Variants in LRRC7 observed in about 807,000 individuals in gnomAD.
LRRC7 encodes the protein leucine-rich repeat-containing protein 7.
In LRRC7, 23 loss-of-function variants were observed where a neutral mutation model predicts 175.7. That is an observed-to-expected ratio of 0.13 (90% CI 0.09 to 0.19). The LOEUF (loss-of-function observed/expected upper bound fraction) is 0.19, where lower values mean the gene tolerates loss of function less well. Ranked by LOEUF, LRRC7 falls within the 10% of genes least tolerant of loss-of-function variation. The pLI is 1.00. For synonymous variants in LRRC7, 685 were observed against 680.9 expected, an observed-to-expected ratio of 1.01 and a Z score of -0.09; for missense variants, 1,354 against 1,904.7, an observed-to-expected ratio of 0.71 and a Z score of 5.38.
At chr1:69,601,345 T>C (rs1647063148) in intron 1 of LRRC7, among the ~76,000 whole-genome samples, 1 of 152,202 alleles carries the variant, frequency 6.6e-6, no homozygotes, top group Admixed American at 6.5e-5. Flanking sequence ...CTCTAATCCA[T>C]TACTGCGTGG....
chr1:69,978,969 A>G (rs1653125848), intron 8 of LRRC7, among the ~76,000 whole-genome samples: 1 of 149,482 alleles, frequency 6.7e-6, no homozygotes, highest in South Asian at 2.1e-4. Context: ...TCTGCCTTCC[A>G]GGCTTATATA....
Position 69,792,052 on chromosome 1 carries a change from A to C in LRRC7, c.313A>C (p.Asn105His). The change falls in exon 4 of 27, where the codon AAC becomes CAC. Residue 105 changes from asparagine (N) to histidine (H), a missense_variant. Transcript: ENST00000651989. ...QIEELPKQLF[N>H]CQALRKLSIP... The stretch of plus-strand genomic sequence containing the variant: ...TTATTTTCTATTACAGCAATTGTTC[A>C]ACTGTCAAGCTCTACGAAAACTAAG... 1 of 1,592,360 alleles carries C rather than the reference A, an allele frequency of 6.3e-7. No individual in the cohort carries two copies. Among genetic ancestry groups the C allele is most frequent in the Non-Finnish European group, 8.6e-7 (1 of 1,163,598 alleles).
intron 1 of LRRC7, among the ~76,000 whole-genome samples, chr1:69,578,848 C>T (rs1346734591): frequency 7.4e-5 from 11 of 148,276 alleles, no homozygotes; most frequent in Admixed American, 2.7e-4. Context: ...TGCTAAATGA[C>T]GAGTTAATGG....
intron 3 of LRRC7, among the ~76,000 whole-genome samples, chr1:69,763,056 ATGT>A (rs1298024796): frequency 6.6e-6 from 1 of 152,036 alleles, no homozygotes; most frequent in African/African-American, 2.4e-5. Context: ...CAGTACATAG[ATGT>A]ATTTGTGCAT....
intron 1 of LRRC7, among the ~76,000 whole-genome samples, chr1:69,636,519 T>C (rs1001176363): frequency 1.3e-5 from 2 of 151,968 alleles, no homozygotes; most frequent in African/African-American, 4.8e-5. Flanking sequence ...TCTGTAATCT[T>C]GTAATCATTT....
At chr1:70,010,696 G>A (rs909184228) in intron 11 of LRRC7, among the ~76,000 whole-genome samples, 5 of 152,134 alleles carry the variant, frequency 3.3e-5, no homozygotes, top group African/African-American at 4.8e-5. Flanking sequence ...AATATAATAG[G>A]AATAGTAAGA....
chr1:69,928,982 G>C (rs187296993), intron 7 of LRRC7, among the ~76,000 whole-genome samples: 3 of 152,150 alleles, frequency 2.0e-5, no homozygotes, highest in South Asian at 2.1e-4. Context: ...TTCTTATTTG[G>C]CTTCCAGGAC....
At chr1:69,622,932 G>C (rs1257692571) in intron 1 of LRRC7, among the ~76,000 whole-genome samples, 1 of 152,192 alleles carries the variant, frequency 6.6e-6, no homozygotes, top group African/African-American at 2.4e-5. Flanking sequence ...GATGGGCTCA[G>C]GTCCTTCTTA....
intron 2 of LRRC7, among the ~76,000 whole-genome samples, chr1:69,689,931 A>T (rs555243929): frequency 1.3e-5 from 2 of 152,342 alleles, no homozygotes; most frequent in East Asian, 3.9e-4. Context: ...AAAGGATTAC[A>T]TCAAATTAGA....
In LRRC7 at chr1:69,658,063, A is replaced by G. The variant is rs940716141; in HGVS notation, c.3-20318A>G. 5.3e-5 allele frequency among the ~76,000 whole-genome samples: 8 copies of G among 151,990 alleles called. No individual in the cohort carries two copies. The South Asian group carries it at 1.5e-3, about 28-fold the overall frequency. The stretch of plus-strand genomic sequence containing the variant: ...TCTTACTCAAGCCTAAAGTAACAAT[A>G]TGTATTCTTAGTAATATTATTCTGA... On this transcript the variant is annotated intron_variant, in intron 1 of 26. Transcript: ENST00000651989.
chr1:70,069,833 G>A (rs1449674692), intron 23 of LRRC7, among the ~76,000 whole-genome samples: 2 of 151,742 alleles, frequency 1.3e-5, no homozygotes, highest in Non-Finnish European at 2.9e-5. Flanking sequence ...AATTTATATT[G>A]TCCTGTCTAC....
At chr1:70,069,853 G>GT (rs1203953880) in intron 23 of LRRC7, among the ~76,000 whole-genome samples, 1 of 152,074 alleles carries the variant, frequency 6.6e-6, no homozygotes, top group Non-Finnish European at 1.5e-5. Context: ...CCAGGTCACT[G>GT]TTTCTTTCCT....
chr1:69,843,635 C>T, intron 7 of LRRC7, among the ~76,000 whole-genome samples: 1 of 152,158 alleles, frequency 6.6e-6, no homozygotes, highest in South Asian at 2.1e-4. Context: ...GTAGTACCAC[C>T]TTTGTGAATA....
intron 1 of LRRC7, among the ~76,000 whole-genome samples, chr1:69,580,381 G>A (rs551009960): frequency 6.4e-4 from 97 of 152,020 alleles, no homozygotes; most frequent in African/African-American, 2.3e-3. Context: ...TTATTTAAAA[G>A]ATAAAAACAT....
At chr1:69,908,438 G>A (rs1245373344) in intron 7 of LRRC7, among the ~76,000 whole-genome samples, 2 of 151,940 alleles carry the variant, frequency 1.3e-5, no homozygotes, top group Non-Finnish European at 2.9e-5. Context: ...CTTTGAATGT[G>A]TCCCAGAGAT....
At chr1:69,589,807 A>G (rs1409265520) in intron 1 of LRRC7, among the ~76,000 whole-genome samples, 1 of 152,164 alleles carries the variant, frequency 6.6e-6, no homozygotes, top group African/African-American at 2.4e-5. Flanking sequence ...CAGATACTAC[A>G]TCAACCACTC....
chr1:69,866,445 C>T (rs1385611315), intron 7 of LRRC7, among the ~76,000 whole-genome samples: 1 of 152,098 alleles, frequency 6.6e-6, no homozygotes, highest in Non-Finnish European at 1.5e-5. Context: ...TATCGTTTTA[C>T]CCTCCCAAAG....
At position 70,117,534 on chromosome 1, in the gene LRRC7, G is replaced by A. The variant is rs542085497; in HGVS notation, c.4621-4246G>A. Among the ~76,000 whole-genome samples the A allele has an allele frequency of 5.3e-5, 8 of 152,068 alleles. No individual in the cohort carries two copies. In the South Asian group the frequency reaches 1.7e-3, roughly 32 times the overall value. The stretch of plus-strand genomic sequence containing the variant: ...TTTTCATGTCTAAATCATGAAAAGA[G>A]ACAATTAAAAAACATTTTGTGGCAC... On this transcript the variant is annotated intron_variant, in intron 26 of 26. Transcript: ENST00000651989.
chr1:69,721,590 A>G (rs980242488), intron 2 of LRRC7, among the ~76,000 whole-genome samples: 1 of 151,776 alleles, frequency 6.6e-6, no homozygotes, highest in African/African-American at 2.4e-5. Flanking sequence ...ATATATCACA[A>G]TTTATTTATT....
Sources: allele counts gnomAD v4.1 joint callset (sites outside exome capture counted in the v4.1 genomes callset), GRCh38; gene constraint gnomAD v4.1.1; transcripts MANE v1.5; gene names NCBI Gene and HGNC (gene_info 2026-07-23, HGNC 2026-07-21).